Variants in IGFBP3 observed in about 807,000 individuals in gnomAD.
IGFBP3 encodes insulin like growth factor binding protein 3, also known as insulin-like growth factor-binding protein 3.
IGFBP3 carries 9 observed loss-of-function variants against 28.6 expected under a neutral mutation model. The ratio of observed to expected loss-of-function variants is 0.31; its 90% CI spans 0.19 to 0.55. IGFBP3 has a LOEUF of 0.55. Ranked by LOEUF, IGFBP3 falls within the 20% of genes least tolerant of loss-of-function variation. The pLI is 0.93. For synonymous variants in IGFBP3, 185 were observed against 188.2 expected, an observed-to-expected ratio of 0.98 and a Z score of 0.14; for missense variants, 382 against 428.9, an observed-to-expected ratio of 0.89 and a Z score of 0.97.
rs754692275 is a variant in IGFBP3, at chr7:45,916,540, TC to T, written c.750+7del. The T allele has an allele frequency of 6.2e-7, 1 of 1,609,130 alleles. No homozygotes were observed. Among genetic ancestry groups the T allele is most frequent in the Admixed American group, 1.7e-5 (1 of 59,950 alleles). ...AGAGGAAGAAAACACACTGAGGACC[TC>T]ACTCACCTGCTTTTTCTTATAAAAT... On this transcript the variant is annotated splice_region_variant and intron_variant, in intron 3 of 4. Transcript: ENST00000613132.
intron 1 of IGFBP3, among the ~76,000 whole-genome samples, chr7:45,918,320 T>A (rs535498901): frequency 3.7e-4 from 56 of 152,286 alleles, no homozygotes; most frequent in Non-Finnish European, 6.6e-4. Context: ...CTCCAGCAGA[T>A]CTCCCTTTTA....
In IGFBP3 at chr7:45,914,752, G is replaced by A. The variant is rs1038977468; in HGVS notation, c.*15+53C>T. On this transcript the variant is annotated intron_variant, in intron 4 of 4. Transcript: ENST00000613132. ...TGGCCACGCCCAGCCCCTGAGGCTGGTCCAAGGACAGTGAGGCCCTGGAGC... is the reference window on the plus strand; with the variant it reads ...TGGCCACGCCCAGCCCCTGAGGCTGATCCAAGGACAGTGAGGCCCTGGAGC... 1.3e-5 allele frequency: 21 copies of A among 1,581,004 alleles called. No individual in the cohort carries two copies. The African/African-American group carries it at 2.6e-4, about 19-fold the overall frequency.
At chr7:45,918,510 A>C (rs1338792935) in intron 1 of IGFBP3, among the ~76,000 whole-genome samples, 3 of 152,224 alleles carry the variant, frequency 2.0e-5, no homozygotes, top group Admixed American at 1.3e-4. Context: ...TGGGGATCAA[A>C]GGCTACATTC....
chr7:45,913,530 A>G lies in IGFBP3; in HGVS notation c.*320T>C, dbSNP rs1784571074. 1 of 152,204 alleles carries G rather than the reference A, an allele frequency of 6.6e-6. No homozygotes were observed. The highest frequency in any genetic ancestry group is 6.5e-5 in the Admixed American group (1 of 15,284). 9.4% of individuals were successfully genotyped at this position (152,204 alleles called of 1,614,324 possible). A position where few individuals can be genotyped will look rare whatever the true frequency, so the allele number is the denominator to read the frequency against. On this transcript the variant is annotated 3_prime_UTR_variant, in exon 5 of 5. Transcript: ENST00000613132. ...ACAAAGTCAGTGGTCGGCCGCTTCG[A>G]CCAACATGTGGTGAGCATTCCACGG...
At position 45,912,613 on chromosome 7, in the gene IGFBP3, G is replaced by C. The variant is rs191306208; in HGVS notation, c.*1237C>G. ...CCTCCGGGAGAGCAGCCCAGTCTCT[G>C]GGCGTGAGCTCCTTTCCTCAGTCAT... is the stretch of plus-strand genomic sequence containing the variant. On this transcript the variant is annotated 3_prime_UTR_variant, in exon 5 of 5. Transcript: ENST00000613132. 3 of 152,666 alleles carry C rather than the reference G, an allele frequency of 2.0e-5. No individual in the cohort carries two copies. Among genetic ancestry groups the C allele is most frequent in the African/African-American group, 7.2e-5 (3 of 41,546 alleles). The allele number at this position is 152,666 out of a possible 1,614,324, so 9.5% of individuals were successfully genotyped here. A position where few individuals can be genotyped will look rare whatever the true frequency, so the allele number is the denominator to read the frequency against.
chr7:45,921,234 G>C lies in IGFBP3; in HGVS notation c.-94C>G. On this transcript the variant is annotated 5_prime_UTR_variant, in exon 1 of 5. Transcript: ENST00000613132. ...CGAAGCTGTGGAATCCAGGCAGGAAGCGGCTGATCCTCAGCGCCCAGCCGC... is the reference window on the plus strand; with the variant it reads ...CGAAGCTGTGGAATCCAGGCAGGAACCGGCTGATCCTCAGCGCCCAGCCGC... The C allele has an allele frequency of 7.1e-7, 1 of 1,400,224 alleles. No homozygotes were observed. The highest frequency in any genetic ancestry group is 1.2e-5 in the South Asian group (1 of 80,340). 86.7% of individuals were successfully genotyped at this position (1,400,224 alleles called of 1,614,324 possible). A position where few individuals can be genotyped will look rare whatever the true frequency, so the allele number is the denominator to read the frequency against.
chr7:45,918,543 G>C (rs1409194035), intron 1 of IGFBP3, among the ~76,000 whole-genome samples: 1 of 152,210 alleles, frequency 6.6e-6, no homozygotes, highest in Non-Finnish European at 1.5e-5. Context: ...CCCAGGGCCT[G>C]TGGACCATGC....
chr7:45,917,398 C>T lies in IGFBP3; in HGVS notation c.445G>A (p.Val149Met). 6.2e-7 allele frequency: 1 copy of T among 1,613,912 alleles called. No homozygotes were observed. Among genetic ancestry groups the T allele is most frequent in the Non-Finnish European group, 8.5e-7 (1 of 1,179,938 alleles). Reference sequence around the variant, plus strand: ...GTGCTGGAGACGGACGGGCTCTCCACACTGCCGGCGCTGCGGTCTTCCTCC... The same window carrying T: ...GTGCTGGAGACGGACGGGCTCTCCATACTGCCGGCGCTGCGGTCTTCCTCC... The part of the protein sequence containing the change: ...ESEEDRSAGS[V>M]ESPSVSSTHR... The change falls in exon 2 of 5, where the codon GTG becomes ATG. Residue 149 changes from valine to methionine, a missense_variant. By Grantham distance (21) the Val-to-Met change is conservative. Coordinates refer to ENST00000613132, the MANE Select transcript of IGFBP3 (RefSeq NM_000598.5).
intron 3 of IGFBP3, among the ~76,000 whole-genome samples, chr7:45,916,255 C>T (rs1784607479): frequency 6.6e-6 from 1 of 152,176 alleles, no homozygotes; most frequent in African/African-American, 2.4e-5. Flanking sequence ...ATAAAGGGTG[C>T]CACTGGGCAG....
At chr7:45,919,537 G>T (rs1345178945) in intron 1 of IGFBP3, among the ~76,000 whole-genome samples, 3 of 152,130 alleles carry the variant, frequency 2.0e-5, no homozygotes, top group Non-Finnish European at 4.4e-5. Flanking sequence ...ACTTCACCCG[G>T]GCGTGGAACT....
At chr7:45,920,581 C>G (rs1784671098) in intron 1 of IGFBP3, 157 bp downstream of exon 1, 1 of 679,120 alleles carries the variant, frequency 1.5e-6, no homozygotes, top group Admixed American at 4.4e-5. Context: ...CTCCGGCGAC[C>G]GCCTTCACCT....
intron 4 of IGFBP3, chr7:45,914,390 C>T (rs950486547): frequency 2.0e-5 from 3 of 153,512 alleles, no homozygotes; most frequent in African/African-American, 7.2e-5. Context: ...CTCACATTCA[C>T]ATCTTTAATT....
In IGFBP3 at chr7:45,921,000, T is replaced by C; in HGVS notation, c.141A>G (p.Ala47=). 1 of 1,387,302 alleles carries C rather than the reference T, an allele frequency of 7.2e-7. No individual in the cohort carries two copies. The highest frequency in any genetic ancestry group is 9.3e-7 in the Non-Finnish European group (1 of 1,079,776). 85.9% of individuals were successfully genotyped at this position (1,387,302 alleles called of 1,614,324 possible). A position where few individuals can be genotyped will look rare whatever the true frequency, so the allele number is the denominator to read the frequency against. The change falls in exon 1 of 5, where the codon GCA becomes GCG. Residue 47 remains alanine (A), a synonymous_variant. Transcript: ENST00000613132. ...VVRCEPCDAR[A]LAQCAPPPAV... ...CGGGCGGAGGCGCGCACTGGGCCAG[T>C]GCACGCGCGTCGCACGGCTCGCAGC...
chr7:45,916,527 C>G, intron 3 of IGFBP3, 21 bp downstream of exon 3: 1 of 1,603,630 alleles, frequency 6.2e-7, no homozygotes, highest in Non-Finnish European at 8.5e-7. Context: ...AGGAAGAAAA[C>G]ACACTGAGGA....
rs1314476325 is a variant in IGFBP3 at position 45,921,267 on chromosome 7, G to A, written c.-127C>T. The A allele has an allele frequency of 1.5e-5, 17 of 1,170,108 alleles. No individual in the cohort carries two copies. In the South Asian group the frequency reaches 2.0e-4, roughly 14 times the overall value. 72.5% of individuals were successfully genotyped at this position (1,170,108 alleles called of 1,614,324 possible). A position where few individuals can be genotyped will look rare whatever the true frequency, so the allele number is the denominator to read the frequency against. On this transcript the variant is annotated 5_prime_UTR_variant, in exon 1 of 5. It introduces an in-frame stop codon into an upstream open reading frame of the 5' UTR. Coordinates refer to ENST00000613132, the MANE Select transcript of IGFBP3 (RefSeq NM_000598.5). ...TCCTCAGCGCCCAGCCGCAGTGCTC[G>A]CATCTGGGCGGCCCGGGCGCGCCGG...
In IGFBP3 at chr7:45,921,269, A is replaced by G; in HGVS notation, c.-129T>C. 8.7e-7 allele frequency: 1 copy of G among 1,156,008 alleles called. No homozygotes were observed. The highest frequency in any genetic ancestry group is 1.2e-6 in the Non-Finnish European group (1 of 822,066). 71.6% of individuals were successfully genotyped at this position (1,156,008 alleles called of 1,614,324 possible). ...CTCAGCGCCCAGCCGCAGTGCTCGC[A>G]TCTGGGCGGCCCGGGCGCGCCGGCC... is the stretch of plus-strand genomic sequence containing the variant. On this transcript the variant is annotated 5_prime_UTR_variant, in exon 1 of 5. It removes an upstream start codon present in the reference 5' UTR. Coordinates refer to ENST00000613132, the MANE Select transcript of IGFBP3 (RefSeq NM_000598.5).
At chr7:45,915,909 C>T (rs1221843243) in intron 3 of IGFBP3, among the ~76,000 whole-genome samples, 3 of 152,212 alleles carry the variant, frequency 2.0e-5, no homozygotes, top group Admixed American at 6.5e-5. Flanking sequence ...CACGCCAAGA[C>T]AGACACCTGG....
chr7:45,917,077 C>T, intron 2 of IGFBP3, 136 bp downstream of exon 2: 2 of 685,264 alleles, frequency 2.9e-6, no homozygotes, highest in Admixed American at 2.4e-5. Context: ...AGAGGTAGGG[C>T]ACAGAGGGGC....
rs936548428 is a variant in IGFBP3, at chr7:45,914,701, G to A, written c.*15+104C>T. 22 of 1,113,650 alleles carry A rather than the reference G, an allele frequency of 2.0e-5. No homozygotes were observed. The African/African-American group carries it at 3.1e-4, about 16-fold the overall frequency. The allele number at this position is 1,113,650 out of a possible 1,614,324, so 69.0% of individuals were successfully genotyped here. A position where few individuals can be genotyped will look rare whatever the true frequency, so the allele number is the denominator to read the frequency against. On this transcript the variant is annotated intron_variant, in intron 4 of 4. Coordinates refer to ENST00000613132, the MANE Select transcript of IGFBP3 (RefSeq NM_000598.5). ...TTCTGGCCCTGAGCTGCAGCTCCTG[G>A]GTCTGTAAGCCTGGGGAAGGGCCAG...
Sources: allele counts gnomAD v4.1 joint callset (sites outside exome capture counted in the v4.1 genomes callset), GRCh38; gene constraint gnomAD v4.1.1; transcripts MANE v1.5; gene names NCBI Gene and HGNC (gene_info 2026-07-23, HGNC 2026-07-21).